FBXW11: variants seen among roughly 807,000 people sequenced by gnomAD.
FBXW11 encodes F-box/WD repeat-containing protein 11.
In FBXW11, 19 loss-of-function variants were observed where a neutral mutation model predicts 77.6. The ratio of observed to expected loss-of-function variants is 0.24; its 90% CI spans 0.17 to 0.36. The LOEUF (loss-of-function observed/expected upper bound fraction) is 0.36, where lower values mean the gene tolerates loss of function less well. Among genes scored for constraint, FBXW11 ranks in the 10% least tolerant of loss-of-function variants. The pLI is 1.00. For missense variants in FBXW11, 334 were observed against 704.2 expected (o/e 0.47, Z 5.95); for synonymous variants, 235 against 249.4 (o/e 0.94, Z 0.54).
At chr5:171,975,779 GA>G (rs1764796039) in intron 1 of FBXW11, among the ~76,000 whole-genome samples, 1 of 152,156 alleles carries the variant, frequency 6.6e-6, no homozygotes, top group Non-Finnish European at 1.5e-5. Context: ...TTGGCAGGAT[GA>G]CAAGAGAAAC....
At position 171,951,910 on chromosome 5, in the gene FBXW11, A is replaced by C. The variant is rs77409234; in HGVS notation, c.147+5687T>G. Among the ~76,000 whole-genome samples the C allele has an allele frequency of 7.6e-3, 1,161 of 152,342 alleles. 19 individuals are homozygous for C. Among genetic ancestry groups the C allele is most frequent in the African/African-American group, 0.026 (1,079 of 41,576 alleles). ...AAAATTGAAGAAAAGTTGAACTAAG[A>C]TTAGCATAATTTTGAAAACTGTTCA... On this transcript the variant is annotated intron_variant, in intron 2 of 13. Coordinates refer to ENST00000517395, the MANE Select transcript of FBXW11 (RefSeq NM_001378974.1).
intron 4 of FBXW11, among the ~76,000 whole-genome samples, chr5:171,906,646 C>T (rs1760546243): frequency 6.6e-6 from 1 of 152,098 alleles, no homozygotes. Flanking sequence ...ATCATTAATC[C>T]TCACACAATA....
At chr5:171,962,556 T>C (rs1763967351) in intron 1 of FBXW11, among the ~76,000 whole-genome samples, 1 of 152,154 alleles carries the variant, frequency 6.6e-6, no homozygotes. Flanking sequence ...ATATCCACCG[T>C]ATAATCAAAA....
intron 1 of FBXW11, among the ~76,000 whole-genome samples, chr5:171,984,657 C>G (rs1765337546): frequency 6.6e-6 from 1 of 152,140 alleles, no homozygotes; most frequent in Non-Finnish European, 1.5e-5. Flanking sequence ...ATCCTTTTAA[C>G]TTCTAGTAGC....
intron 10 of FBXW11, among the ~76,000 whole-genome samples, chr5:171,872,012 C>G (rs1561632917): frequency 6.6e-6 from 1 of 152,142 alleles, no homozygotes. Flanking sequence ...GATTTAAGCT[C>G]TAAACTAAAT....
chr5:171,949,139 C>T (rs1326959003), intron 2 of FBXW11, among the ~76,000 whole-genome samples: 2 of 152,118 alleles, frequency 1.3e-5, no homozygotes, highest in African/African-American at 4.8e-5. Flanking sequence ...CACTTTCAAA[C>T]TAGTACAACA....
At chr5:171,972,305 T>G (rs1228631578) in intron 1 of FBXW11, among the ~76,000 whole-genome samples, 1 of 142,426 alleles carries the variant, frequency 7.0e-6, no homozygotes, top group East Asian at 2.1e-4. Flanking sequence ...CAATGAGACC[T>G]CGTCTCTACA....
chr5:171,933,547 T>C (rs1196071562), intron 2 of FBXW11, among the ~76,000 whole-genome samples: 1 of 152,222 alleles, frequency 6.6e-6, no homozygotes, highest in African/African-American at 2.4e-5. Context: ...GCATCAAATG[T>C]ATCCCTGTGG....
chr5:171,939,696 C>CAAAA (rs58051402), intron 2 of FBXW11, among the ~76,000 whole-genome samples: 37 of 79,890 alleles, frequency 4.6e-4, no homozygotes, highest in African/African-American at 7.2e-4. Flanking sequence ...GACCCTGTCT[C>CAAAA]AAAAAAAAAA....
intron 11 of FBXW11, among the ~76,000 whole-genome samples, chr5:171,870,358 A>G (rs1037442796): frequency 2.9e-4 from 44 of 149,576 alleles, no homozygotes; most frequent in African/African-American, 1.1e-3. Context: ...AAGGGAAAAA[A>G]AGGGAAAAGA....
At chr5:171,921,531 T>C (rs1025010111) in intron 2 of FBXW11, among the ~76,000 whole-genome samples, 3 of 152,096 alleles carry the variant, frequency 2.0e-5, no homozygotes, top group Admixed American at 1.3e-4. Flanking sequence ...ATCAATTTAA[T>C]AGACTGCAAG....
chr5:171,929,887 A>T (rs1762079900), intron 2 of FBXW11, among the ~76,000 whole-genome samples: 1 of 152,152 alleles, frequency 6.6e-6, no homozygotes, highest in Non-Finnish European at 1.5e-5. Context: ...TAAAAAATAA[A>T]AGTGATGGGA....
intron 7 of FBXW11, among the ~76,000 whole-genome samples, chr5:171,886,023 A>C (rs1015519906): frequency 6.6e-6 from 1 of 152,256 alleles, no homozygotes; most frequent in African/African-American, 2.4e-5. Context: ...GATGTGCCAC[A>C]ATTAAGAGAA....
intron 2 of FBXW11, among the ~76,000 whole-genome samples, 160 bp from the exon 3 acceptor site, chr5:171,914,565 T>G (rs1024466074): frequency 6.6e-6 from 1 of 152,168 alleles, no homozygotes; most frequent in African/African-American, 2.4e-5. Context: ...TCAAGGGAGA[T>G]GTGCTCATCT....
At chr5:171,994,378 A>T (rs1765912152) in intron 1 of FBXW11, among the ~76,000 whole-genome samples, 1 of 152,230 alleles carries the variant, frequency 6.6e-6, no homozygotes, top group Non-Finnish European at 1.5e-5. Context: ...CAGGTTGAAT[A>T]TCCCTAATCC....
chr5:171,886,575 AAAATAAAT>A (rs965480850), intron 7 of FBXW11, among the ~76,000 whole-genome samples: 1 of 151,808 alleles, frequency 6.6e-6, no homozygotes, highest in Non-Finnish European at 1.5e-5. Context: ...AGTATAATAA[AAAATAAAT>A]AAATAAATAA....
rs557997386 is a variant in FBXW11, at chr5:171,963,394, T to C, written c.46-5696A>G. ...AAACATCCTATGCAAGTATCTGCAA[T>C]TAATTTAGCATTAAAATACTTAAGT... On this transcript the variant is annotated intron_variant, in intron 1 of 13. Coordinates refer to ENST00000517395, the MANE Select transcript of FBXW11 (RefSeq NM_001378974.1). 3.3e-5 allele frequency among the ~76,000 whole-genome samples: 5 copies of C among 152,304 alleles called. No homozygotes were observed. In the East Asian group the frequency reaches 9.6e-4, roughly 29 times the overall value.
intron 2 of FBXW11, among the ~76,000 whole-genome samples, chr5:171,937,640 A>C (rs1390042454): frequency 1.3e-5 from 2 of 152,174 alleles, no homozygotes; most frequent in Admixed American, 1.3e-4. Context: ...CAGCCTGATC[A>C]ACATGGTGAA....
intron 2 of FBXW11, among the ~76,000 whole-genome samples, chr5:171,917,369 A>G (rs1046524218): frequency 1.3e-5 from 2 of 152,230 alleles, no homozygotes; most frequent in Non-Finnish European, 2.9e-5. Context: ...TATACATGAA[A>G]CAACTCTTCA....
Sources: allele counts gnomAD v4.1 joint callset (sites outside exome capture counted in the v4.1 genomes callset), GRCh38; gene constraint gnomAD v4.1.1; transcripts MANE v1.5; gene names NCBI Gene and HGNC (gene_info 2026-07-23, HGNC 2026-07-21).